Variants in TMC7 observed in about 807,000 individuals in gnomAD.
The protein encoded by TMC7 is transmembrane channel like 7, also known as transmembrane channel-like protein 7.
Under a neutral mutation model 82.9 loss-of-function variants are expected in TMC7, and 54 were observed. The ratio of observed to expected loss-of-function variants is 0.65; its 90% CI spans 0.52 to 0.82. The LOEUF (loss-of-function observed/expected upper bound fraction) is 0.82. TMC7 is among the 40% of genes least tolerant of loss of function. The probability of loss-of-function intolerance (pLI) is 0.00; values close to 1 mark genes in which losing one functional copy is unlikely to be tolerated. For missense variants in TMC7, 820 were observed against 901.2 expected (o/e 0.91, Z 1.15); for synonymous variants, 350 against 337.9 (o/e 1.04, Z -0.39).
At position 19,063,174 on chromosome 16, in the gene TMC7, C is replaced by T. The variant is rs1343687052; in HGVS notation, c.*1331C>T. The T allele has an allele frequency of 6.6e-6, 1 of 152,098 alleles. No homozygotes were observed. The highest frequency in any genetic ancestry group is 1.5e-5 in the Non-Finnish European group (1 of 68,022). 9.4% of individuals were successfully genotyped at this position (152,098 alleles called of 1,614,324 possible). A position where few individuals can be genotyped will look rare whatever the true frequency, so the allele number is the denominator to read the frequency against. ...AATCTAATAACTACAGTCATACCAC[C>T]CTGAAAATGCCTGATCTCGTCTAAA... On this transcript the variant is annotated 3_prime_UTR_variant, in exon 16 of 16. Transcript: ENST00000304381.
intron 15 of TMC7, among the ~76,000 whole-genome samples, chr16:19,060,717 G>A (rs1398402530): frequency 6.6e-6 from 1 of 152,004 alleles, no homozygotes; most frequent in Non-Finnish European, 1.5e-5. Flanking sequence ...ACAGTGCCTT[G>A]AGGGCTCTGT....
chr16:19,062,004 C>T lies in TMC7; in HGVS notation c.*161C>T. 2.1e-6 allele frequency: 1 copy of T among 480,672 alleles called. No homozygotes were observed. Among genetic ancestry groups the T allele is most frequent in the East Asian group, 3.4e-5 (1 of 29,436 alleles). The allele number at this position is 480,672 out of a possible 1,614,324, so 29.8% of individuals were successfully genotyped here. ...GTGCAGCTGTGTTTACCTAACCCAG[C>T]CCTTAATTAGGGCTTCAGTGACTTA... On this transcript the variant is annotated 3_prime_UTR_variant, in exon 16 of 16. Coordinates refer to ENST00000304381, the MANE Select transcript of TMC7 (RefSeq NM_024847.4).
At chr16:19,020,064 G>A (rs1959891602) in intron 3 of TMC7, among the ~76,000 whole-genome samples, 1 of 151,870 alleles carries the variant, frequency 6.6e-6, no homozygotes, top group Non-Finnish European at 1.5e-5. Context: ...CAAATCAATC[G>A]ATGTAATTCA....
intron 2 of TMC7, among the ~76,000 whole-genome samples, chr16:19,015,543 C>T (rs991912714): frequency 6.6e-6 from 1 of 151,724 alleles, no homozygotes; most frequent in African/African-American, 2.4e-5. Context: ...TTATTAGCAA[C>T]AATGCTGCTA....
At chr16:19,017,759 C>T (rs1959771452) in intron 3 of TMC7, among the ~76,000 whole-genome samples, 1 of 151,854 alleles carries the variant, frequency 6.6e-6, no homozygotes, top group South Asian at 2.1e-4. Context: ...AGGCTCCGCC[C>T]CCCGGGGTTC....
chr16:19,013,205 A>G (rs1190857457), intron 2 of TMC7, among the ~76,000 whole-genome samples: 2 of 151,842 alleles, frequency 1.3e-5, no homozygotes, highest in Admixed American at 6.6e-5. Context: ...AAGGTTTTCA[A>G]ATTATTATTA....
At chr16:19,034,685 G>A (rs959115006) in intron 6 of TMC7, among the ~76,000 whole-genome samples, 2 of 152,082 alleles carry the variant, frequency 1.3e-5, no homozygotes. Context: ...GGGGAGGTGA[G>A]GGATTATAAA....
intron 13 of TMC7, among the ~76,000 whole-genome samples, chr16:19,055,527 A>G (rs897841262): frequency 5.3e-5 from 8 of 151,846 alleles, no homozygotes; most frequent in African/African-American, 1.9e-4. Context: ...CCAGCTAATT[A>G]TTGTATTTTT....
chr16:18,983,973 C>T lies in TMC7; in HGVS notation c.-91C>T, dbSNP rs530886405. 50 of 1,296,928 alleles carry T rather than the reference C, an allele frequency of 3.9e-5. No homozygotes were observed. In the South Asian group the frequency reaches 9.5e-4, roughly 25 times the overall value. 80.3% of individuals were successfully genotyped at this position (1,296,928 alleles called of 1,614,324 possible). ...GATGTCAGCGCCGGAACCTGGAATC[C>T]CGGCTCCGCGAGGGAAGGCCGGGGA... On this transcript the variant is annotated 5_prime_UTR_variant, in exon 1 of 16. Coordinates refer to ENST00000304381, the MANE Select transcript of TMC7 (RefSeq NM_024847.4).
chr16:19,036,456 C>T (rs1327061414), intron 7 of TMC7, among the ~76,000 whole-genome samples: 3 of 151,666 alleles, frequency 2.0e-5, no homozygotes, highest in Non-Finnish European at 4.4e-5. Context: ...TGCAGTGAGC[C>T]GAGGTTGCAC....
chr16:19,042,091 T>C (rs1244333106), intron 9 of TMC7, among the ~76,000 whole-genome samples: 1 of 152,192 alleles, frequency 6.6e-6, no homozygotes, highest in East Asian at 1.9e-4. Flanking sequence ...GTCCTTCCTG[T>C]TGTATCCCAG....
At chr16:18,997,223 A>C (rs4782190) in intron 1 of TMC7, among the ~76,000 whole-genome samples, 46,859 of 152,144 alleles carry the variant, frequency 0.31, 7,458 homozygotes, top group Non-Finnish European at 0.35. Flanking sequence ...TGTGAAGAGA[A>C]CACCAAACAG....
At chr16:19,046,962 T>C (rs1961301067) in intron 11 of TMC7, 101 bp from the exon 12 acceptor site, 1 of 968,824 alleles carries the variant, frequency 1.0e-6, no homozygotes, top group Admixed American at 2.5e-5. Context: ...GACTAACCAG[T>C]GTCCATGAGA....
chr16:19,048,286 A>G (rs1961378726), intron 12 of TMC7, among the ~76,000 whole-genome samples: 1 of 151,440 alleles, frequency 6.6e-6, no homozygotes, highest in African/African-American at 2.4e-5. Flanking sequence ...CAGTGCATTT[A>G]TTTTCGGGTT....
intron 2 of TMC7, among the ~76,000 whole-genome samples, chr16:19,015,258 C>G (rs1959623319): frequency 1.3e-5 from 2 of 151,724 alleles, no homozygotes; most frequent in Middle Eastern, 3.4e-3. Context: ...GCCACTGTGC[C>G]TGGCCTCCTT....
intron 2 of TMC7, among the ~76,000 whole-genome samples, chr16:19,015,170 G>A (rs1220086162): frequency 1.3e-5 from 2 of 151,832 alleles, no homozygotes; most frequent in Non-Finnish European, 1.5e-5. Flanking sequence ...CGCCATGTTG[G>A]TCAGGCTGGT....
chr16:19,043,288 T>C (rs540356659), intron 9 of TMC7, among the ~76,000 whole-genome samples: 1 of 152,290 alleles, frequency 6.6e-6, no homozygotes, highest in East Asian at 1.9e-4. Flanking sequence ...GCGACCCTGA[T>C]ACAGAAAAGA....
In TMC7 at chr16:19,062,626, A is replaced by T. The variant is rs2142333612; in HGVS notation, c.*783A>T. On this transcript the variant is annotated 3_prime_UTR_variant, in exon 16 of 16. Coordinates refer to ENST00000304381, the MANE Select transcript of TMC7 (RefSeq NM_024847.4). ...GGGCAAAAAGAGCAAAACTCTCCCT[A>T]AAAAAAAAATGTAGAATATCTCTTA... 1.3e-5 allele frequency: 2 copies of T among 149,830 alleles called. No homozygotes were observed. The highest frequency in any genetic ancestry group is 6.9e-3 in the Middle Eastern group (2 of 290). The allele number at this position is 149,830 out of a possible 1,614,324, so 9.3% of individuals were successfully genotyped here. A position where few individuals can be genotyped will look rare whatever the true frequency, so the allele number is the denominator to read the frequency against.
chr16:19,015,517 T>G (rs1394651329), intron 2 of TMC7, among the ~76,000 whole-genome samples: 1 of 152,208 alleles, frequency 6.6e-6, no homozygotes, highest in African/African-American at 2.4e-5. Context: ...ACATTTGGAT[T>G]GTTTCTACCT....
Sources: gnomAD v4.1 joint callset for allele counts (sites outside exome capture counted in the v4.1 genomes callset) on GRCh38, gnomAD v4.1.1 for gene constraint, MANE v1.5 for transcripts, NCBI Gene and HGNC (gene_info 2026-07-23, HGNC 2026-07-21) for gene names.